TTBK1: variants seen among roughly 807,000 people sequenced by gnomAD.
The protein encoded by TTBK1 is tau-tubulin kinase 1.
In TTBK1, 34 loss-of-function variants were observed where a neutral mutation model predicts 108.5. The observed-to-expected ratio is 0.31, with a 90% CI of 0.24 to 0.42. The LOEUF is 0.42. Among genes scored for constraint, TTBK1 ranks in the 10% least tolerant of loss-of-function variants. The pLI is 1.00. For synonymous variants in TTBK1, 809 were observed against 795.1 expected, an observed-to-expected ratio of 1.02 and a Z score of -0.29; for missense variants, 1,539 against 1,826.0, an observed-to-expected ratio of 0.84 and a Z score of 2.86.
In TTBK1 at chr6:43,284,294, A is replaced by C. The variant is rs1295677579; in HGVS notation, c.3554A>C (p.Asp1185Ala). ...TCCCATGGCGCGGCCCCAGCATTGG[A>C]CACAGCCATCACCAGCAGGTGAGAA... ...SRSHGAAPALDTAITSRLQLQ... is the reference protein window; with the variant it reads ...SRSHGAAPALATAITSRLQLQ... Residue 1185 changes from aspartate to alanine, a missense_variant, in exon 14 of 15, where the codon GAC becomes GCC. Physicochemically the swap from Asp to Ala is moderately radical, Grantham distance 126 (BLOSUM62 -2). Around this residue, in one of 5 missense-constraint regions of TTBK1, gnomAD observed 1,055 missense variants for 1,086.5 expected, o/e 0.97. Coordinates refer to ENST00000259750, the MANE Select transcript of TTBK1 (RefSeq NM_032538.3). 6.3e-7 allele frequency: 1 copy of C among 1,575,284 alleles called. No individual in the cohort carries two copies. Among genetic ancestry groups the C allele is most frequent in the South Asian group, 1.1e-5 (1 of 88,978 alleles).
intron 7 of TTBK1, 74 bp downstream of exon 7, chr6:43,255,188 A>AGGGGGGGGGG: frequency 4.1e-6 from 1 of 246,822 alleles, no homozygotes. Context: ...GCTGCTGGGG[A>AGGGGGGGGGG]GGGGTGGGGA....
At chr6:43,247,509 G>A (rs578120041) in intron 2 of TTBK1, among the ~76,000 whole-genome samples, 2 of 152,306 alleles carry the variant, frequency 1.3e-5, no homozygotes, top group Admixed American at 1.3e-4. Flanking sequence ...TGTGGGGGCA[G>A]GATAATGTGG....
chr6:43,262,913 T>C lies in TTBK1; in HGVS notation c.1549T>C (p.Ser517Pro). 1 of 1,613,966 alleles carries C rather than the reference T, an allele frequency of 6.2e-7. No homozygotes were observed. The highest frequency in any genetic ancestry group is 8.5e-7 in the Non-Finnish European group (1 of 1,179,966). The change falls in exon 13 of 15, where the codon TCT (serine) becomes CCT (proline). Residue 517 changes from serine to proline, a missense_variant. Physicochemically the swap from Ser to Pro is moderately conservative, Grantham distance 74 (BLOSUM62 -1). Coordinates refer to ENST00000259750, the MANE Select transcript of TTBK1 (RefSeq NM_032538.3). ...CAGTGGCCGCATGGACGTGTCAGCCTCTGTGGAGCAGGAGGCCCTGAGCAA... is the reference window on the plus strand; with the variant it reads ...CAGTGGCCGCATGGACGTGTCAGCCCCTGTGGAGCAGGAGGCCCTGAGCAA... ...QASGRMDVSA[S>P]VEQEALSNAF...
chr6:43,274,263 G>T lies in TTBK1; in HGVS notation c.1987-8464G>T, dbSNP rs150874271. On this transcript the variant is annotated intron_variant, in intron 13 of 14. Transcript: ENST00000259750. The stretch of plus-strand genomic sequence containing the variant: ...ATCCCTTTGCATTTCCAGTTTTGGG[G>T]AAAACAGACACAGCCCTGCCTAGTG... Among the ~76,000 whole-genome samples the T allele has an allele frequency of 6.4e-4, 97 of 152,312 alleles. 1 individual carries two copies. The East Asian group carries it at 0.016, about 26-fold the overall frequency.
chr6:43,252,533 G>A (rs747980482), intron 2 of TTBK1, among the ~76,000 whole-genome samples: 16 of 151,414 alleles, frequency 1.1e-4, no homozygotes, highest in Non-Finnish European at 1.5e-4. Flanking sequence ...AGAGTGAGAC[G>A]TTTGTTTGAA....
At chr6:43,249,386 C>T (rs541943899) in intron 2 of TTBK1, among the ~76,000 whole-genome samples, 2 of 152,186 alleles carry the variant, frequency 1.3e-5, no homozygotes, top group Admixed American at 1.3e-4. Context: ...AAAAGGGAGA[C>T]TGAGAGAATA....
chr6:43,271,397 G>T, intron 13 of TTBK1: 3 of 985,442 alleles, frequency 3.0e-6, no homozygotes, highest in Non-Finnish European at 3.6e-6. Context: ...AATGTGACTG[G>T]CACGTGCGCA....
At position 43,283,524 on chromosome 6, in the gene TTBK1, G is replaced by T. The variant is rs1396923865; in HGVS notation, c.2784G>T (p.Arg928Ser). 5 of 1,614,166 alleles carry T rather than the reference G, an allele frequency of 3.1e-6. No homozygotes were observed. The highest frequency in any genetic ancestry group is 3.4e-6 in the Non-Finnish European group (4 of 1,180,002). Residue 928 changes from arginine to serine, a missense_variant, in exon 14 of 15, where the codon AGG (arginine) becomes AGT (serine). Transcript: ENST00000259750. The surrounding 1 kb of genome is among the most constrained non-coding windows in gnomAD (Gnocchi z 8.1). Reference protein sequence around the residue: ...VTSSPFTKVERTFVHIAEKTH... With the variant: ...VTSSPFTKVESTFVHIAEKTH... ...CCTCACCCTTCACCAAAGTTGAGAG[G>T]ACCTTTGTGCACATTGCGGAGAAAA... is the stretch of plus-strand genomic sequence containing the variant.
chr6:43,261,550 C>T (rs544478996), intron 12 of TTBK1, among the ~76,000 whole-genome samples: 3 of 151,886 alleles, frequency 2.0e-5, no homozygotes, highest in Admixed American at 6.6e-5. Context: ...AACAGTGGCT[C>T]GCGTCTGTAA....
rs1199136972 is a variant in TTBK1, at chr6:43,273,703, C to T, written c.1987-9024C>T. Among the ~76,000 whole-genome samples, 1 of 152,216 alleles carries T rather than the reference C, an allele frequency of 6.6e-6. No homozygotes were observed. The highest frequency in any genetic ancestry group is 2.4e-5 in the African/African-American group (1 of 41,444). The stretch of plus-strand genomic sequence containing the variant: ...AACAGGGGAACTCCCATGCCCATAC[C>T]ATCCTCAGCTCAACCAATTGTTGCC... On this transcript the variant is annotated intron_variant, in intron 13 of 14. Coordinates refer to ENST00000259750, the MANE Select transcript of TTBK1 (RefSeq NM_032538.3). This position sits in a 1 kb window ranked among gnomAD's most constrained non-coding sequence, Gnocchi z 4.2.
In TTBK1 at chr6:43,259,275, T is replaced by G; in HGVS notation, c.1248+6T>G. The G allele has an allele frequency of 1.3e-6, 2 of 1,545,994 alleles. No individual in the cohort carries two copies. The highest frequency in any genetic ancestry group is 8.7e-7 in the Non-Finnish European group (1 of 1,146,366). ...TCCGGATCAACATCGGCAAAGTAAC[T>G]GCCGCCAGGGCGAAGGGCGTGGGTG... is the stretch of plus-strand genomic sequence containing the variant. On this transcript the variant is annotated splice_donor_region_variant and intron_variant, in intron 11 of 14. Transcript: ENST00000259750. This position sits in a 1 kb window ranked among gnomAD's most constrained non-coding sequence, Gnocchi z 6.7.
chr6:43,285,916 CT>C lies in TTBK1; in HGVS notation c.*542del, dbSNP rs1037740480. 6.5e-6 allele frequency: 1 copy of C among 152,782 alleles called. No homozygotes were observed. The highest frequency in any genetic ancestry group is 2.4e-5 in the African/African-American group (1 of 41,474). The allele number at this position is 152,782 out of a possible 1,614,324, so 9.5% of individuals were successfully genotyped here. On this transcript the variant is annotated 3_prime_UTR_variant, in exon 15 of 15. Transcript: ENST00000259750. This position sits in a 1 kb window ranked among gnomAD's most constrained non-coding sequence, Gnocchi z 4.7. Reference sequence around the variant, plus strand: ...CCCCGCGAGGGTCCAGCCCCACAGTCTTCTGGGAGCCATTGTGGCCAGGGAC... The same window carrying C: ...CCCCGCGAGGGTCCAGCCCCACAGTCTCTGGGAGCCATTGTGGCCAGGGAC...
At position 43,244,624 on chromosome 6, in the gene TTBK1, T is replaced by A. The variant is rs112692453; in HGVS notation, c.-55+916T>A. ...AGGAGGGTGGAGAGGGAGAAGCAGG[T>A]AACCCTCATTTATCTTCCTGGCTCC... On this transcript the variant is annotated intron_variant, in intron 1 of 14. Coordinates refer to ENST00000259750, the MANE Select transcript of TTBK1 (RefSeq NM_032538.3). 5.5e-3 allele frequency among the ~76,000 whole-genome samples: 833 copies of A among 152,264 alleles called. 3 individuals are homozygous for A. The highest frequency in any genetic ancestry group is 9.7e-3 in the South Asian group (47 of 4,830).
At position 43,276,393 on chromosome 6, in the gene TTBK1, A is replaced by G. The variant is rs1247441874; in HGVS notation, c.1987-6334A>G. ...GGGGTGGCCCCAGGCCCGGGTAGAAAAGCATGCACTGAGCCCCCTGCCCCT... is the reference window on the plus strand; with the variant it reads ...GGGGTGGCCCCAGGCCCGGGTAGAAGAGCATGCACTGAGCCCCCTGCCCCT... On this transcript the variant is annotated intron_variant, in intron 13 of 14. Transcript: ENST00000259750. This position sits in a 1 kb window ranked among gnomAD's most constrained non-coding sequence, Gnocchi z 5.4. Among the ~76,000 whole-genome samples the G allele has an allele frequency of 6.6e-6, 1 of 151,834 alleles. No homozygotes were observed. The highest frequency in any genetic ancestry group is 1.9e-4 in the East Asian group (1 of 5,148).
chr6:43,263,320 A>G lies in TTBK1; in HGVS notation c.1956A>G (p.Arg652=). Residue 652 remains arginine (R), a synonymous_variant, in exon 13 of 15, where the codon AGA becomes AGG. Transcript: ENST00000259750. The surrounding 1 kb of genome is among the most constrained non-coding windows in gnomAD (Gnocchi z 4.7). ...PLHSGPRPRR[R]ESDPTGPQRQ... ...ACTCGGGACCCCGCCCTCGACGGAGAGAGTCGGACCCCACAGGCCCACAGA... is the reference window on the plus strand; with the variant it reads ...ACTCGGGACCCCGCCCTCGACGGAGGGAGTCGGACCCCACAGGCCCACAGA... The G allele has an allele frequency of 6.8e-7, 1 of 1,476,508 alleles. No homozygotes were observed. The highest frequency in any genetic ancestry group is 9.0e-7 in the Non-Finnish European group (1 of 1,111,076). The allele number at this position is 1,476,508 out of a possible 1,614,324, so 91.5% of individuals were successfully genotyped here.
chr6:43,270,159 C>A, intron 13 of TTBK1: 1 of 1,361,162 alleles, frequency 7.3e-7, no homozygotes, highest in Non-Finnish European at 9.4e-7. Context: ...CCATCAGCTC[C>A]CTTTGTAGGT....
At position 43,283,023 on chromosome 6, in the gene TTBK1, A is replaced by AGAAGAGGAGGAGGAG. The variant is rs775744173; in HGVS notation, c.2300_2314dup (p.Glu767_Glu771dup). 16 of 1,591,646 alleles carry AGAAGAGGAGGAGGAG rather than the reference A, an allele frequency of 1.0e-5. No homozygotes were observed. Among genetic ancestry groups the AGAAGAGGAGGAGGAG allele is most frequent in the African/African-American group, 8.1e-5 (6 of 74,216 alleles). ...AGGAGGAAGAGGAAGAGGAGGAGGA[A>AGAAGAGGAGGAGGAG]GAAGAGGAGGAGGAGGAAGAGGAGG... On this transcript the variant is annotated inframe_insertion, in exon 14 of 15. Coordinates refer to ENST00000259750, the MANE Select transcript of TTBK1 (RefSeq NM_032538.3). This position sits in a 1 kb window ranked among gnomAD's most constrained non-coding sequence, Gnocchi z 8.1.
Position 43,259,153 on chromosome 6 carries a change from C to A in TTBK1, c.1132C>A (p.Pro378Thr), listed in dbSNP as rs1365426115. The change falls in exon 11 of 15, where the codon CCC (proline) becomes ACC (threonine). Residue 378 changes from proline to threonine, a missense_variant. Transcript: ENST00000259750. The surrounding 1 kb of genome is among the most constrained non-coding windows in gnomAD (Gnocchi z 6.7). ...TGCACCCCCAATTCTGCCCGGGAGG[C>A]CCTCTGAGGGGCTGGGCCCCAGTCC... ...ENAPPILPGR[P>T]SEGLGPSPHL... is the part of the protein sequence containing the mutation. 1 of 1,613,888 alleles carries A rather than the reference C, an allele frequency of 6.2e-7. No homozygotes were observed.
chr6:43,248,036 C>G (rs886268532), intron 2 of TTBK1: 2 of 152,180 alleles, frequency 1.3e-5, no homozygotes, highest in African/African-American at 4.8e-5. Flanking sequence ...TCCTCTGAAA[C>G]CTCGGGGCCC....
Sources: allele counts gnomAD v4.1 joint callset (sites outside exome capture counted in the v4.1 genomes callset), GRCh38; gene constraint gnomAD v4.1.1; regional missense constraint gnomAD v4.1.1; non-coding constraint Gnocchi (gnomAD v3.1); transcripts MANE v1.5; gene names NCBI Gene and HGNC (gene_info 2026-07-23, HGNC 2026-07-21).